MACF1: variants seen among roughly 807,000 people sequenced by gnomAD.
The protein encoded by MACF1 is microtubule-actin cross-linking factor 1.
MACF1 carries 193 observed loss-of-function variants against 854.8 expected under a neutral mutation model. The observed-to-expected ratio is 0.23, with a 90% CI of 0.20 to 0.25. The LOEUF is 0.25. MACF1 is among the 10% of genes least tolerant of loss of function. The pLI is 1.00. For synonymous variants in MACF1, 3,185 were observed against 3,226.7 expected (o/e 0.99, Z 0.44); for missense variants, 7,722 against 8,929.1 (o/e 0.86, Z 5.45).
At chr1:39,478,661 G>A (rs1348185332) in intron 97 of MACF1, among the ~76,000 whole-genome samples, 1 of 152,200 alleles carries the variant, frequency 6.6e-6, no homozygotes, top group African/African-American at 2.4e-5. Context: ...TTAAAACACT[G>A]ATTCTACCAA....
rs6664776 is a variant in MACF1, at chr1:39,470,087, G to T, written c.21958+472G>T. 1.5e-3 allele frequency among the ~76,000 whole-genome samples: 221 copies of T among 152,286 alleles called. 1 individual carries two copies. The highest frequency in any genetic ancestry group is 3.4e-3 in the Middle Eastern group (1 of 294). ...ATCTTTCAGAGGCTGACACACCTTTGTGTATGTTTATTATTGGATCACCTG... is the reference window on the plus strand; with the variant it reads ...ATCTTTCAGAGGCTGACACACCTTTTTGTATGTTTATTATTGGATCACCTG... On this transcript the variant is annotated intron_variant, in intron 97 of 100. Coordinates refer to ENST00000564288, the MANE Select transcript of MACF1 (RefSeq NM_001394062.1).
chr1:39,359,334 A>T, intron 47 of MACF1, 70 bp downstream of exon 47: 1 of 1,544,514 alleles, frequency 6.5e-7, no homozygotes. Context: ...GCAATATGTC[A>T]CATTGTGTTG....
intron 2 of MACF1, among the ~76,000 whole-genome samples, chr1:39,177,564 C>T (rs745349381): frequency 6.6e-5 from 10 of 152,076 alleles, no homozygotes; most frequent in East Asian, 1.9e-4. Flanking sequence ...ACATATCATT[C>T]GTAAATGTTA....
At chr1:39,307,635 C>T (rs982601928) in intron 23 of MACF1, among the ~76,000 whole-genome samples, 7 of 152,060 alleles carry the variant, frequency 4.6e-5, no homozygotes, top group African/African-American at 9.7e-5. Context: ...TGCAGTGGCG[C>T]GATCTTGGCT....
rs567888932 is a variant in MACF1, at chr1:39,412,756, C to T, written c.15817-9618C>T. ...AGTTTTAGAGGAATGGATACCCGTC[C>T]TCCAGAGACCTTCCCGGACTGCTGC... On this transcript the variant is annotated intron_variant, in intron 58 of 100. Transcript: ENST00000564288. The T allele has an allele frequency of 7.7e-5, 124 of 1,613,246 alleles. 1 individual carries two copies. The Admixed American group carries it at 1.5e-3, about 20-fold the overall frequency.
chr1:39,430,875 T>A lies in MACF1; in HGVS notation c.17304T>A (p.Asp5768Glu), dbSNP rs550663270. 34 of 1,612,508 alleles carry A rather than the reference T, an allele frequency of 2.1e-5. No individual in the cohort carries two copies. The East Asian group carries it at 6.0e-4, about 29-fold the overall frequency. Reference sequence around the variant, plus strand: ...GTGACACTATTGGACAAAGGGTGGATGAAATTGATGCTGCTATTCAGAGAT... The same window carrying A: ...GTGACACTATTGGACAAAGGGTGGAAGAAATTGATGCTGCTATTCAGAGAT... Reference protein sequence around the residue: ...LVSDTIGQRVDEIDAAIQRSQ... With the variant: ...LVSDTIGQRVEEIDAAIQRSQ... Residue 5768 changes from aspartate to glutamate, a missense_variant, in exon 66 of 101, where the codon GAT (aspartate) becomes GAA (glutamate). Physicochemically the swap from Asp to Glu is conservative, Grantham distance 45. Coordinates refer to ENST00000564288, the MANE Select transcript of MACF1 (RefSeq NM_001394062.1).
At position 39,095,389 on chromosome 1, in the gene MACF1, T is replaced by C. The variant is rs564740513; in HGVS notation, c.220+10951T>C. ...CATCCTGGCCAACATGGTGAAACCC[T>C]GTCTCTATTAAAAATACAAAAAAAT... On this transcript the variant is annotated intron_variant, in intron 2 of 93. Coordinates refer to the MACF1 transcript ENST00000361689. Among the ~76,000 whole-genome samples, 142 of 150,296 alleles carry C rather than the reference T, an allele frequency of 9.4e-4. 2 individuals are homozygous for C. The highest frequency in any genetic ancestry group is 3.0e-4 in the Non-Finnish European group (20 of 67,598).
chr1:39,366,551 A>G (rs1648730433), intron 49 of MACF1, among the ~76,000 whole-genome samples: 1 of 152,156 alleles, frequency 6.6e-6, no homozygotes, highest in Non-Finnish European at 1.5e-5. Context: ...GTTGATTACT[A>G]AGATTGAGCC....
rs760178289 is a variant in MACF1, at chr1:39,447,736, G to C, written c.19806G>C (p.Glu6602Asp). 18 of 1,613,990 alleles carry C rather than the reference G, an allele frequency of 1.1e-5. No individual in the cohort carries two copies. Among genetic ancestry groups the C allele is most frequent in the Non-Finnish European group, 2.5e-6 (3 of 1,180,028 alleles). ...EVNAHRDQII[E>D]LDQTGNQLKF... ...ATGCTCATCGAGACCAGATCATTGA[G>C]CTGGATCAAACTGGGAATCAATTAA... is the stretch of plus-strand genomic sequence containing the variant. Residue 6602 changes from glutamate to aspartate, a missense_variant, in exon 82 of 101, where the codon GAG (glutamate) becomes GAC (aspartate). Glu to Asp is a conservative substitution (Grantham distance 45). Coordinates refer to ENST00000564288, the MANE Select transcript of MACF1 (RefSeq NM_001394062.1).
Position 39,283,042 on chromosome 1 carries a change from G to A in MACF1, c.696-147G>A. 3.3e-6 allele frequency: 2 copies of A among 603,830 alleles called. No homozygotes were observed. Among genetic ancestry groups the A allele is most frequent in the East Asian group, 2.8e-5 (1 of 36,008 alleles). The allele number at this position is 603,830 out of a possible 1,614,324, so 37.4% of individuals were successfully genotyped here. ...GGCCCCTGGTGTATACTTAAAAATG[G>A]AATTTGTACTCTTCTAAACCTCCTG... On this transcript the variant is annotated intron_variant, in intron 7 of 100. Transcript: ENST00000564288. This position sits in a 1 kb window ranked among gnomAD's most constrained non-coding sequence, Gnocchi z 4.5.
chr1:39,101,787 G>A (rs1193521693), intron 2 of MACF1, among the ~76,000 whole-genome samples: 1 of 148,624 alleles, frequency 6.7e-6, no homozygotes, highest in Non-Finnish European at 1.5e-5. Flanking sequence ...TCACGCCACT[G>A]CACTCCAGCC....
At chr1:39,393,907 A>C (rs1557628576) in intron 58 of MACF1, among the ~76,000 whole-genome samples, 1 of 151,936 alleles carries the variant, frequency 6.6e-6, no homozygotes, top group Non-Finnish European at 1.5e-5. Flanking sequence ...AGGAAAGAAA[A>C]GAAAGAAAGA....
At chr1:39,170,105 A>T (rs1643928421) in intron 2 of MACF1, among the ~76,000 whole-genome samples, 1 of 151,786 alleles carries the variant, frequency 6.6e-6, no homozygotes, top group Admixed American at 6.6e-5. Flanking sequence ...AGTTCTCTTT[A>T]CCTGGAATGC....
intron 35 of MACF1, among the ~76,000 whole-genome samples, chr1:39,326,987 A>G (rs1184849336): frequency 2.0e-5 from 3 of 152,120 alleles, no homozygotes; most frequent in Non-Finnish European, 2.9e-5. Context: ...GCTAAAGTGG[A>G]GATGAGGTCA....
At chr1:39,179,228 C>T (rs964611335) in intron 2 of MACF1, among the ~76,000 whole-genome samples, 1 of 152,222 alleles carries the variant, frequency 6.6e-6, no homozygotes, top group Non-Finnish European at 1.5e-5. Flanking sequence ...TATTCCACCC[C>T]TTCCTTTCTT....
intron 2 of MACF1, among the ~76,000 whole-genome samples, chr1:39,240,362 C>A (rs1644908003): frequency 6.6e-6 from 1 of 152,130 alleles, no homozygotes. Context: ...TTTGCCTGGA[C>A]CTGATTTTTT....
At chr1:39,336,740 G>C in intron 37 of MACF1, 87 bp downstream of exon 37, 1 of 1,245,322 alleles carries the variant, frequency 8.0e-7, no homozygotes, top group South Asian at 1.6e-5. Flanking sequence ...GTTTACATAT[G>C]TGTAATTGTA....
chr1:39,431,317 T>C (rs1176269307), intron 66 of MACF1, among the ~76,000 whole-genome samples: 1 of 149,170 alleles, frequency 6.7e-6, no homozygotes, highest in Non-Finnish European at 1.5e-5. Flanking sequence ...CAAACCAAAA[T>C]AGCAGAGCTA....
At chr1:39,327,661 G>A (rs889325011) in intron 36 of MACF1, among the ~76,000 whole-genome samples, 1 of 152,174 alleles carries the variant, frequency 6.6e-6, no homozygotes, top group African/African-American at 2.4e-5. Context: ...TGATCACAGG[G>A]CAGTAACATA....
Sources: allele counts gnomAD v4.1 joint callset (sites outside exome capture counted in the v4.1 genomes callset), GRCh38; gene constraint gnomAD v4.1.1; non-coding constraint Gnocchi (gnomAD v3.1); transcripts MANE v1.5; gene names NCBI Gene and HGNC (gene_info 2026-07-23, HGNC 2026-07-21).